TMEM213: variants seen among roughly 807,000 people sequenced by gnomAD.
TMEM213 encodes transmembrane protein 213.
A neutral mutation model predicts 11.6 loss-of-function variants in TMEM213; 7 were observed. The ratio of observed to expected loss-of-function variants is 0.60; its 90% confidence interval spans 0.34 to 1.13. The LOEUF (loss-of-function observed/expected upper bound fraction) is 1.13, where lower values mean the gene tolerates loss of function less well. TMEM213 is among the 50% of genes most tolerant of loss of function. The pLI is 0.03. For missense variants in TMEM213, 129 were observed against 139.0 expected (o/e 0.93, Z 0.36); for synonymous variants, 60 against 58.3 (o/e 1.03, Z -0.13).
At chr7:138,799,975 TGA>T (rs917937233) in intron 1 of TMEM213, among the ~76,000 whole-genome samples, 2 of 152,018 alleles carry the variant, frequency 1.3e-5, no homozygotes, top group African/African-American at 2.4e-5. Flanking sequence ...AGGGGAACCT[TGA>T]GAGTTTCCAT....
chr7:138,802,827 A>T, intron 2 of TMEM213, 73 bp from the exon 3 acceptor site: 1 of 1,437,902 alleles, frequency 7.0e-7, no homozygotes. Context: ...TTGTTCTGTT[A>T]ATATTAATGG....
intron 1 of TMEM213, among the ~76,000 whole-genome samples, chr7:138,800,072 T>A (rs142140980): frequency 1.1e-4 from 16 of 152,150 alleles, no homozygotes; most frequent in African/African-American, 3.9e-4. Flanking sequence ...GTTCTTCCAA[T>A]CCATCTCTTG....
intron 1 of TMEM213, 134 bp from the exon 2 acceptor site, chr7:138,801,193 C>T (rs779631307): frequency 4.8e-5 from 38 of 788,196 alleles, no homozygotes; most frequent in Non-Finnish European, 5.8e-5. Flanking sequence ...TGCAGAAAGC[C>T]TCAATATGCC....
intron 2 of TMEM213, among the ~76,000 whole-genome samples, chr7:138,802,202 G>C (rs1398606270): frequency 1.3e-5 from 2 of 150,896 alleles, no homozygotes; most frequent in Non-Finnish European, 2.9e-5. Flanking sequence ...ATTTTGTCTG[G>C]TTCCCTTTAT....
intron 2 of TMEM213, chr7:138,801,670 T>C: frequency 2.1e-6 from 1 of 467,050 alleles, no homozygotes; most frequent in Non-Finnish European, 3.8e-6. Context: ...TAGGTTCAAA[T>C]GCTTGAAGAA....
rs1324387630 is a variant in TMEM213 at position 138,804,909 on chromosome 7, A to C, written c.*1840A>C. ...AGCATTTTGTGCCTTCTGTGAGAAA[A>C]CATGTATTTAGATCAGATAAACTCT... On this transcript the variant is annotated 3_prime_UTR_variant, in exon 3 of 3. Transcript: ENST00000442682. The C allele has an allele frequency of 6.6e-6, 1 of 152,168 alleles. No homozygotes were observed. The highest frequency in any genetic ancestry group is 1.5e-5 in the Non-Finnish European group (1 of 68,028). 9.4% of individuals were successfully genotyped at this position (152,168 alleles called of 1,614,324 possible).
Position 138,806,673 on chromosome 7 carries a change from C to T in TMEM213, c.*3604C>T, listed in dbSNP as rs2130275174. The stretch of plus-strand genomic sequence containing the variant: ...GCAGTGGACACTGTCCTCAACACAG[C>T]TACAGTTTATGTAACACAGAGTCCA... On this transcript the variant is annotated 3_prime_UTR_variant, in exon 3 of 3. Transcript: ENST00000442682. 1 of 152,346 alleles carries T rather than the reference C, an allele frequency of 6.6e-6. No individual in the cohort carries two copies. Among genetic ancestry groups the T allele is most frequent in the Middle Eastern group, 3.4e-3 (1 of 294 alleles). 9.4% of individuals were successfully genotyped at this position (152,346 alleles called of 1,614,324 possible).
intron 1 of TMEM213, among the ~76,000 whole-genome samples, chr7:138,798,476 G>A (rs1029567482): frequency 1.3e-5 from 2 of 152,122 alleles, no homozygotes; most frequent in African/African-American, 2.4e-5. Flanking sequence ...AAAGGAAAAA[G>A]TTATTTGCTG....
chr7:138,805,928 G>A lies in TMEM213; in HGVS notation c.*2859G>A, dbSNP rs1809093099. On this transcript the variant is annotated 3_prime_UTR_variant, in exon 3 of 3. Coordinates refer to ENST00000442682, the MANE Select transcript of TMEM213 (RefSeq NM_001085429.2). ...CAGGGCACCAGTTGGTGTCTGAGAT[G>A]CCCTCCAGTCTGGGGAACCCCGTAG... 1 of 151,668 alleles carries A rather than the reference G, an allele frequency of 6.6e-6. No homozygotes were observed. The highest frequency in any genetic ancestry group is 6.6e-5 in the Admixed American group (1 of 15,222). The allele number at this position is 151,668 out of a possible 1,614,324, so 9.4% of individuals were successfully genotyped here.
intron 2 of TMEM213, 92 bp downstream of exon 2, chr7:138,801,490 C>T: frequency 8.0e-7 from 1 of 1,247,830 alleles, no homozygotes; most frequent in Non-Finnish European, 1.1e-6. Context: ...TGATTGGTGT[C>T]AAGTGGGCAA....
rs571248254 is a variant in TMEM213 at position 138,798,295 on chromosome 7, G to A, written c.82+109G>A. 228 of 903,670 alleles carry A rather than the reference G, an allele frequency of 2.5e-4. No homozygotes were observed. In the East Asian group the frequency reaches 8.5e-3, roughly 34 times the overall value. The allele number at this position is 903,670 out of a possible 1,614,324, so 56.0% of individuals were successfully genotyped here. A position where few individuals can be genotyped will look rare whatever the true frequency, so the allele number is the denominator to read the frequency against. On this transcript the variant is annotated intron_variant, in intron 1 of 2. Coordinates refer to ENST00000442682, the MANE Select transcript of TMEM213 (RefSeq NM_001085429.2). ...GGGGAAGATTCTTTGGCCAGGGTTG[G>A]TCCTGCGCAAAGGAAGGAGGAAACA...
chr7:138,798,209 T>C (rs1357472975), intron 1 of TMEM213, 23 bp downstream of exon 1: 6 of 1,564,886 alleles, frequency 3.8e-6, no homozygotes, highest in Non-Finnish European at 5.2e-6. Context: ...GCTTTATTCA[T>C]GGCCAGGCTG....
At chr7:138,802,771 G>A in intron 2 of TMEM213, 129 bp from the exon 3 acceptor site, 2 of 952,274 alleles carry the variant, frequency 2.1e-6, no homozygotes, top group Non-Finnish European at 3.0e-6. Context: ...GCAGCACAGT[G>A]CATGGCACGT....
At chr7:138,799,527 T>C (rs538391034) in intron 1 of TMEM213, 11 of 152,274 alleles carry the variant, frequency 7.2e-5, no homozygotes, top group African/African-American at 2.2e-4. Flanking sequence ...CCACAGAAAA[T>C]TGCTGATATT....
In TMEM213 at chr7:138,798,134, C is replaced by T; in HGVS notation, c.30C>T (p.Ala10=). The change falls in exon 1 of 3, where the codon GCC becomes GCT. Residue 10 remains alanine (A), a synonymous_variant. Coordinates refer to ENST00000442682, the MANE Select transcript of TMEM213 (RefSeq NM_001085429.2). MQRLPAATR[A]TLILSLAFAS... Reference sequence around the variant, plus strand: ...AGCGCCTCCCCGCTGCCACCCGGGCCACCCTGATCCTCAGCCTGGCCTTTG... The same window carrying T: ...AGCGCCTCCCCGCTGCCACCCGGGCTACCCTGATCCTCAGCCTGGCCTTTG... The T allele has an allele frequency of 6.2e-7, 1 of 1,601,864 alleles. No homozygotes were observed. The highest frequency in any genetic ancestry group is 8.5e-7 in the Non-Finnish European group (1 of 1,174,856).
rs1311717413 is a variant in TMEM213 at position 138,803,080 on chromosome 7, C to T, written c.*11C>T. On this transcript the variant is annotated 3_prime_UTR_variant, in exon 3 of 3. Transcript: ENST00000442682. Reference sequence around the variant, plus strand: ...GACTTGCAAGCGTGAGACCCAGGCTCGGTGCACAAAATGGTGATCGCCACC... The same window carrying T: ...GACTTGCAAGCGTGAGACCCAGGCTTGGTGCACAAAATGGTGATCGCCACC... 1.1e-5 allele frequency: 18 copies of T among 1,610,728 alleles called. No homozygotes were observed. The highest frequency in any genetic ancestry group is 2.7e-5 in the African/African-American group (2 of 74,888).
Position 138,806,491 on chromosome 7 carries a change from T to G in TMEM213, c.*3422T>G, listed in dbSNP as rs1299270261. ...TCTTGCCACTGCACTCCAGCCTGGG[T>G]GACAGAGTGAGACCTTGCCTCAAAA... On this transcript the variant is annotated 3_prime_UTR_variant, in exon 3 of 3. Coordinates refer to ENST00000442682, the MANE Select transcript of TMEM213 (RefSeq NM_001085429.2). The G allele has an allele frequency of 6.6e-6, 1 of 152,130 alleles. No individual in the cohort carries two copies. The highest frequency in any genetic ancestry group is 2.4e-5 in the African/African-American group (1 of 41,398). The allele number at this position is 152,130 out of a possible 1,614,324, so 9.4% of individuals were successfully genotyped here.
chr7:138,803,215 G>C lies in TMEM213; in HGVS notation c.*146G>C. On this transcript the variant is annotated 3_prime_UTR_variant, in exon 3 of 3. Transcript: ENST00000442682. ...TTACAAGGGAAAGAAGAAAGAGCGG[G>C]AGAACCAAATAAGGCAAGCCAGTGC... The C allele has an allele frequency of 8.8e-7, 1 of 1,134,456 alleles. No individual in the cohort carries two copies. The highest frequency in any genetic ancestry group is 2.6e-5 in the East Asian group (1 of 38,592). 70.3% of individuals were successfully genotyped at this position (1,134,456 alleles called of 1,614,324 possible). A position where few individuals can be genotyped will look rare whatever the true frequency, so the allele number is the denominator to read the frequency against.
intron 2 of TMEM213, 121 bp from the exon 3 acceptor site, chr7:138,802,779 C>G: frequency 8.7e-6 from 9 of 1,037,676 alleles, no homozygotes; most frequent in Non-Finnish European, 1.2e-5. Context: ...GTGCATGGCA[C>G]GTAGTAGGCC....
Sources: gnomAD v4.1 joint callset for allele counts (sites outside exome capture counted in the v4.1 genomes callset) on GRCh38, gnomAD v4.1.1 for gene constraint, MANE v1.5 for transcripts, NCBI Gene and HGNC (gene_info 2026-07-23, HGNC 2026-07-21) for gene names.